Variants in ARMC9 observed in about 807,000 individuals in gnomAD.
The protein encoded by ARMC9 is armadillo repeat containing 9.
ARMC9 carries 94 observed loss-of-function variants against 107.0 expected under a neutral mutation model. The ratio of observed to expected loss-of-function variants is 0.88; its 90% CI spans 0.74 to 1.04. ARMC9 has a LOEUF of 1.04. Ranked by LOEUF, ARMC9 falls within the 50% of genes least tolerant of loss-of-function variation. The probability of loss-of-function intolerance (pLI) is 0.00; values close to 1 mark genes in which losing one functional copy is unlikely to be tolerated. For synonymous variants in ARMC9, 380 were observed against 396.9 expected (o/e 0.96, Z 0.51); for missense variants, 942 against 1,030.1 (o/e 0.91, Z 1.17).
chr2:231,278,502 CT>C (rs2039952725), intron 16 of ARMC9, 44 bp downstream of exon 16: 1 of 1,581,438 alleles, frequency 6.3e-7, no homozygotes, highest in African/African-American at 1.3e-5. Flanking sequence ...GGAGGCTACA[CT>C]GGGGACCCAA....
At position 231,235,435 on chromosome 2, in the gene ARMC9, T is replaced by C. The variant is rs1388557032; in HGVS notation, c.780+54T>C. 5 of 1,601,478 alleles carry C rather than the reference T, an allele frequency of 3.1e-6. No homozygotes were observed. In the African/African-American group the frequency reaches 6.7e-5, roughly 21 times the overall value. ...TCTGTTTGGCAATGAAGAAGGCTTATAGGCATGGACTATGTTGATATGGCA... is the reference window on the plus strand; with the variant it reads ...TCTGTTTGGCAATGAAGAAGGCTTACAGGCATGGACTATGTTGATATGGCA... On this transcript the variant is annotated intron_variant, in intron 8 of 24. Coordinates refer to ENST00000611582, the MANE Select transcript of ARMC9 (RefSeq NM_001352754.2).
intron 6 of ARMC9, 58 bp from the exon 7 acceptor site, chr2:231,226,716 G>A (rs977241368): frequency 2.8e-5 from 44 of 1,583,116 alleles, no homozygotes; most frequent in Middle Eastern, 3.3e-4. Flanking sequence ...CAGGATGTCC[G>A]ATACCCCAAG....
At chr2:231,359,625 TAATGGGGTTCCCCTGC>T (rs1384565206) in intron 22 of ARMC9, among the ~76,000 whole-genome samples, 1 of 152,210 alleles carries the variant, frequency 6.6e-6, no homozygotes, top group Non-Finnish European at 1.5e-5. Flanking sequence ...CCACACGTTG[TAATGGGGTTCCCCTGC>T]GTGTAGCCCA....
intron 18 of ARMC9, among the ~76,000 whole-genome samples, chr2:231,292,398 A>G (rs1302684398): frequency 6.6e-6 from 1 of 152,162 alleles, no homozygotes; most frequent in East Asian, 1.9e-4. Flanking sequence ...AGATAATGAA[A>G]GCAAATGCCA....
chr2:231,234,811 G>T (rs1559328223), intron 7 of ARMC9, among the ~76,000 whole-genome samples: 1 of 152,192 alleles, frequency 6.6e-6, no homozygotes, highest in Non-Finnish European at 1.5e-5. Context: ...TTACCATGTT[G>T]CCCAGGCTGG....
At position 231,350,946 on chromosome 2, in the gene ARMC9, C is replaced by CTTTTTTTTTTTTT. The variant is rs770225857; in HGVS notation, c.1995-4834_1995-4822dup. On this transcript the variant is annotated intron_variant, in intron 21 of 24. Transcript: ENST00000611582. ...ATCCTATTTGCACAAAGTGACAATT[C>CTTTTTTTTTTTTT]TTTTTTTTTTTTTTTTTTTTTTTTT... Among the ~76,000 whole-genome samples the CTTTTTTTTTTTTT allele has an allele frequency of 3.2e-4, 16 of 50,598 alleles. 5 individuals carry two copies. Among genetic ancestry groups the CTTTTTTTTTTTTT allele is most frequent in the African/African-American group, 1.6e-3 (16 of 10,074 alleles). 33.2% of individuals were successfully genotyped at this position (50,598 alleles called of 152,430 possible). A position where few individuals can be genotyped will look rare whatever the true frequency, so the allele number is the denominator to read the frequency against.
intron 19 of ARMC9, among the ~76,000 whole-genome samples, chr2:231,301,700 C>T (rs1194479132): frequency 2.0e-5 from 3 of 152,196 alleles, no homozygotes; most frequent in South Asian, 4.2e-4. Flanking sequence ...AAGATTGAGG[C>T]GGGATGTGGT....
At chr2:231,312,939 G>A (rs1375596609) in intron 19 of ARMC9, among the ~76,000 whole-genome samples, 1 of 152,154 alleles carries the variant, frequency 6.6e-6, no homozygotes, top group African/African-American at 2.4e-5. Context: ...CTCTGGGAAT[G>A]TTGTAAAAAC....
intron 7 of ARMC9, among the ~76,000 whole-genome samples, chr2:231,227,710 T>C (rs1026550879): frequency 7.9e-5 from 12 of 152,220 alleles, no homozygotes; most frequent in African/African-American, 2.9e-4. Context: ...GCAATGGGGT[T>C]TGTCAACCTC....
chr2:231,368,713 C>T (rs972884611), intron 23 of ARMC9, among the ~76,000 whole-genome samples: 1 of 152,228 alleles, frequency 6.6e-6, no homozygotes, highest in Non-Finnish European at 1.5e-5. Context: ...CAGCCTTGAC[C>T]TCCCAGGCAC....
At chr2:231,354,371 T>C (rs983704901) in intron 21 of ARMC9, among the ~76,000 whole-genome samples, 3 of 134,746 alleles carry the variant, frequency 2.2e-5, no homozygotes, top group African/African-American at 8.3e-5. Context: ...GGTTGAGCCA[T>C]GTGAATTTTT....
intron 20 of ARMC9, among the ~76,000 whole-genome samples, chr2:231,339,735 C>T (rs928696904): frequency 2.6e-5 from 4 of 152,252 alleles, no homozygotes; most frequent in Middle Eastern, 3.2e-3. Context: ...AATTCAAGAC[C>T]AGCCTGGCCA....
chr2:231,350,279 G>C (rs1203924971), intron 21 of ARMC9, among the ~76,000 whole-genome samples: 1 of 152,054 alleles, frequency 6.6e-6, no homozygotes, highest in African/African-American at 2.4e-5. Flanking sequence ...GCCTGCCTCA[G>C]CCTCCCAAAA....
chr2:231,316,160 ATGTGTGTGTGTG>A (rs141395956), intron 19 of ARMC9, among the ~76,000 whole-genome samples: 7 of 147,520 alleles, frequency 4.7e-5, no homozygotes, highest in African/African-American at 1.2e-4. Context: ...GTGTGTATGT[ATGTGTGTGTGTG>A]TGTGTGTGTG....
intron 19 of ARMC9, among the ~76,000 whole-genome samples, chr2:231,309,919 A>T (rs2042241409): frequency 6.6e-6 from 1 of 152,126 alleles, no homozygotes; most frequent in African/African-American, 2.4e-5. Context: ...AAATTGAGCC[A>T]TTTTATATCT....
At chr2:231,317,854 A>G (rs986494135) in intron 19 of ARMC9, among the ~76,000 whole-genome samples, 7 of 150,820 alleles carry the variant, frequency 4.6e-5, no homozygotes, top group Admixed American at 2.0e-4. Flanking sequence ...TATAGTGTCT[A>G]TTTTTCTGTT....
chr2:231,250,861 C>G (rs1395933225), intron 9 of ARMC9, among the ~76,000 whole-genome samples: 1 of 152,266 alleles, frequency 6.6e-6, no homozygotes, highest in Middle Eastern at 3.4e-3. Flanking sequence ...GATTCTTGTT[C>G]TAGGGGAAGT....
intron 10 of ARMC9, among the ~76,000 whole-genome samples, chr2:231,258,010 A>C (rs1300204605): frequency 7.0e-6 from 1 of 142,692 alleles, no homozygotes; most frequent in Admixed American, 6.9e-5. Flanking sequence ...GTGGATCTCC[A>C]ATCCAAGGTC....
chr2:231,363,128 G>A (rs1417895392), intron 23 of ARMC9, among the ~76,000 whole-genome samples: 1 of 152,230 alleles, frequency 6.6e-6, no homozygotes, highest in Non-Finnish European at 1.5e-5. Flanking sequence ...GGGAATGCAG[G>A]GCATGCAGGA....
Sources: allele counts gnomAD v4.1 joint callset (sites outside exome capture counted in the v4.1 genomes callset), GRCh38; gene constraint gnomAD v4.1.1; transcripts MANE v1.5; gene names NCBI Gene and HGNC (gene_info 2026-07-23, HGNC 2026-07-21).